Variants in CEP152 observed in about 807,000 individuals in gnomAD.
The protein encoded by CEP152 is centrosomal protein of 152 kDa.
CEP152 carries 132 observed loss-of-function variants against 188.9 expected under a neutral mutation model. The ratio of observed to expected loss-of-function variants is 0.70; its 90% CI spans 0.61 to 0.81. The LOEUF is 0.81. CEP152 is among the 30% of genes least tolerant of loss of function. The pLI, the probability that CEP152 is intolerant of heterozygous loss-of-function variation, is 0.00. For missense variants in CEP152, 1,914 were observed against 1,969.8 expected (o/e 0.97, Z 0.54); for synonymous variants, 649 against 666.6 (o/e 0.97, Z 0.41).
At chr15:48,773,070 C>A (rs1895668852) in intron 12 of CEP152, among the ~76,000 whole-genome samples, 1 of 152,046 alleles carries the variant, frequency 6.6e-6, no homozygotes. Flanking sequence ...TAAACACTAG[C>A]CATCCTAACC....
rs1432101183 is a variant in CEP152 at position 48,772,572 on chromosome 15, T to G, written c.1697A>C (p.Gln566Pro). The change falls in exon 13 of 27, where the codon CAG becomes CCG. Residue 566 changes from glutamine (Q) to proline (P), a missense_variant. By Grantham distance (76) the Gln-to-Pro change is moderately conservative. Coordinates refer to ENST00000380950, the MANE Select transcript of CEP152 (RefSeq NM_001194998.2). Reference sequence around the variant, plus strand: ...ACAGTCTTTGAGGTCATTTTGTAACTGAGACACCAGATGACGCTTCATTGA... The same window carrying G: ...ACAGTCTTTGAGGTCATTTTGTAACGGAGACACCAGATGACGCTTCATTGA... ...SNSMKRHLVS[Q>P]LQNDLKDCHK... 1 of 1,614,018 alleles carries G rather than the reference T, an allele frequency of 6.2e-7. No homozygotes were observed. Among genetic ancestry groups the G allele is most frequent in the East Asian group, 2.2e-5 (1 of 44,890 alleles).
intron 12 of CEP152, among the ~76,000 whole-genome samples, chr15:48,779,570 T>G (rs1359925429): frequency 1.3e-5 from 2 of 152,204 alleles, no homozygotes; most frequent in Non-Finnish European, 2.9e-5. Context: ...GCCTTTTATA[T>G]TCATTATTTT....
chr15:48,738,285 A>G lies in CEP152; in HGVS notation c.5097T>C (p.Asp1699=), dbSNP rs968607163. The G allele has an allele frequency of 1.9e-6, 3 of 1,613,988 alleles. No homozygotes were observed. The highest frequency in any genetic ancestry group is 2.5e-6 in the Non-Finnish European group (3 of 1,179,856). ...TAACAAATGGGCTATCAAAGCCACT[A>G]TCTTGTTGGCTAGATAGCGGAACAA... ...KLIVPLSSQQ[D]SGFDSPFVNL... The change falls in exon 27 of 27, where the codon GAT becomes GAC. Residue 1699 remains aspartate (D), a synonymous_variant. Coordinates refer to ENST00000380950, the MANE Select transcript of CEP152 (RefSeq NM_001194998.2).
At chr15:48,795,134 A>C (rs2140898496) in intron 6 of CEP152, among the ~76,000 whole-genome samples, 1 of 152,348 alleles carries the variant, frequency 6.6e-6, no homozygotes, top group African/African-American at 2.4e-5. Context: ...TGTGCCAGAC[A>C]GTATGACAAG....
chr15:48,757,415 T>C (rs1188340256), intron 19 of CEP152, among the ~76,000 whole-genome samples: 1 of 152,236 alleles, frequency 6.6e-6, no homozygotes. Context: ...GCCTGGCAGA[T>C]GATAAGGACT....
At chr15:48,754,314 C>T (rs1894099291) in intron 20 of CEP152, among the ~76,000 whole-genome samples, 1 of 152,062 alleles carries the variant, frequency 6.6e-6, no homozygotes, top group African/African-American at 2.4e-5. Context: ...TGTAAAAAGA[C>T]TCCAGGGTTG....
At position 48,739,094 on chromosome 15, in the gene CEP152, T is replaced by C; in HGVS notation, c.4288A>G (p.Ser1430Gly). The change falls in exon 27 of 27, where the codon AGC becomes GGC. Residue 1430 changes from serine to glycine, a missense_variant. Ser to Gly is a moderately conservative substitution (Grantham distance 56). Transcript: ENST00000380950. ...TCTTTGGATCCCACATGCTTTATGC[T>C]CTGATGCTCTGAGTTCTCTAACAGC... ...QRLLENSEHQ[S>G]IKHVGSKETH... 1 of 1,614,222 alleles carries C rather than the reference T, an allele frequency of 6.2e-7. No individual in the cohort carries two copies. The highest frequency in any genetic ancestry group is 2.2e-5 in the East Asian group (1 of 44,882).
At position 48,796,087 on chromosome 15, in the gene CEP152, T is replaced by C; in HGVS notation, c.614A>G (p.Asn205Ser). 6.2e-7 allele frequency: 1 copy of C among 1,613,946 alleles called. No homozygotes were observed. Among genetic ancestry groups the C allele is most frequent in the Non-Finnish European group, 8.5e-7 (1 of 1,179,858 alleles). ...TGTTATCTCCTGGGCTGGTGAGCCA[T>C]TATTCTGGGCAGAAGACTGATAAGG... ...YKPYQSSAQNNGSPAQEITGS... is the reference protein window; with the variant it reads ...YKPYQSSAQNSGSPAQEITGS... Residue 205 changes from asparagine to serine, a missense_variant, in exon 6 of 27, where the codon AAT becomes AGT. Asn to Ser is a conservative substitution (Grantham distance 46). Coordinates refer to ENST00000380950, the MANE Select transcript of CEP152 (RefSeq NM_001194998.2).
intron 26 of CEP152, among the ~76,000 whole-genome samples, chr15:48,740,194 G>T (rs1166162839): frequency 6.6e-6 from 1 of 152,116 alleles, no homozygotes; most frequent in African/African-American, 2.4e-5. Context: ...ACAGTTTCTT[G>T]GGAGACTATT....
intron 2 of CEP152, among the ~76,000 whole-genome samples, chr15:48,732,425 A>G (rs1437730645): frequency 1.3e-5 from 2 of 152,178 alleles, no homozygotes; most frequent in Admixed American, 6.5e-5. Flanking sequence ...TCAGCAAACT[A>G]TCACAGGAAC....
chr15:48,781,825 T>G (rs1896265336), intron 11 of CEP152, among the ~76,000 whole-genome samples: 1 of 152,106 alleles, frequency 6.6e-6, no homozygotes, highest in African/African-American at 2.4e-5. Flanking sequence ...TATGACAGAA[T>G]TGCAGCAAAA....
intron 19 of CEP152, among the ~76,000 whole-genome samples, chr15:48,758,755 C>T: frequency 6.8e-6 from 1 of 147,630 alleles, no homozygotes; most frequent in East Asian, 2.0e-4. Context: ...TCCCAGGACA[C>T]CCTCCAGACC....
intron 2 of CEP152, among the ~76,000 whole-genome samples, chr15:48,730,874 AG>A: frequency 6.6e-6 from 1 of 152,214 alleles, no homozygotes; most frequent in East Asian, 1.9e-4. Context: ...AACAACCCCC[AG>A]GGGAACAAAT....
chr15:48,770,078 T>C (rs1305856948), intron 13 of CEP152, among the ~76,000 whole-genome samples: 1 of 152,226 alleles, frequency 6.6e-6, no homozygotes, highest in Non-Finnish European at 1.5e-5. Flanking sequence ...ACTTTGCATA[T>C]TTTCCTCTGA....
At chr15:48,755,644 G>C (rs989277343) in intron 20 of CEP152, among the ~76,000 whole-genome samples, 1 of 152,004 alleles carries the variant, frequency 6.6e-6, no homozygotes, top group Non-Finnish European at 1.5e-5. Context: ...TTAGGTATTT[G>C]TCCTAAATAT....
chr15:48,745,167 A>G (rs569205597), intron 22 of CEP152, among the ~76,000 whole-genome samples, 175 bp from the exon 23 acceptor site: 1 of 152,014 alleles, frequency 6.6e-6, no homozygotes, highest in Admixed American at 6.6e-5. Flanking sequence ...CTGTTTTCTC[A>G]GCACTTAAAA....
intron 2 of CEP152, 126 bp downstream of exon 2, chr15:48,805,437 T>G (rs1185908392): frequency 1.6e-6 from 2 of 1,264,304 alleles, no homozygotes; most frequent in African/African-American, 3.0e-5. Flanking sequence ...ATTTTAGGGT[T>G]GTTTTTTTTT....
intron 22 of CEP152, among the ~76,000 whole-genome samples, chr15:48,746,721 C>T (rs1039797808): frequency 6.6e-6 from 1 of 152,086 alleles, no homozygotes; most frequent in Non-Finnish European, 1.5e-5. Context: ...GGACTTGATC[C>T]TTATTGCTAT....
intron 20 of CEP152, 137 bp downstream of exon 20, chr15:48,755,766 A>G (rs1178892471): frequency 6.6e-7 from 1 of 1,512,094 alleles, no homozygotes; most frequent in East Asian, 2.4e-5. Context: ...TTCGCTACAG[A>G]AACTTTTTTA....
Sources: allele counts gnomAD v4.1 joint callset (sites outside exome capture counted in the v4.1 genomes callset), GRCh38; gene constraint gnomAD v4.1.1; transcripts MANE v1.5; gene names NCBI Gene and HGNC (gene_info 2026-07-23, HGNC 2026-07-21).